Variants in ZCCHC7 observed in about 807,000 individuals in gnomAD.
ZCCHC7 encodes the protein zinc finger CCHC domain-containing protein 7.
Under a neutral mutation model 52.0 loss-of-function variants are expected in ZCCHC7, and 35 were observed. That is an observed-to-expected ratio of 0.67 (90% CI 0.51 to 0.89). ZCCHC7 has a LOEUF of 0.89. ZCCHC7 is among the 40% of genes least tolerant of loss of function. ZCCHC7 has a pLI of 0.00. For synonymous variants in ZCCHC7, 217 were observed against 221.5 expected (o/e 0.98, Z 0.18); for missense variants, 574 against 649.1 (o/e 0.88, Z 1.26).
At chr9:37,253,211 G>A (rs1276123705) in intron 2 of ZCCHC7, among the ~76,000 whole-genome samples, 1 of 151,680 alleles carries the variant, frequency 6.6e-6, no homozygotes, top group Non-Finnish European at 1.5e-5. Context: ...TTTATTTCCT[G>A]AAGAATAATA....
intron 8 of ZCCHC7, among the ~76,000 whole-genome samples, chr9:37,355,087 T>C (rs1821614633): frequency 6.6e-6 from 1 of 152,214 alleles, no homozygotes; most frequent in South Asian, 2.1e-4. Context: ...TCCATCTATA[T>C]AGGCAGAGTT....
At chr9:37,304,164 A>C (rs1195177249) in intron 3 of ZCCHC7, 24 bp from the exon 4 acceptor site, 28 of 1,560,102 alleles carry the variant, frequency 1.8e-5, no homozygotes, top group Non-Finnish European at 2.2e-5. Context: ...AATTTTTTTA[A>C]TTCTTGATTT....
intron 5 of ZCCHC7, among the ~76,000 whole-genome samples, chr9:37,315,010 GT>G (rs1829752616): frequency 6.6e-6 from 1 of 151,444 alleles, no homozygotes; most frequent in South Asian, 2.1e-4. Flanking sequence ...AAAAACAGCT[GT>G]TTTCTTCAGT....
At position 37,126,708 on chromosome 9, in the gene ZCCHC7, A is replaced by G. The variant is rs375023440; in HGVS notation, c.376A>G (p.Asn126Asp). The G allele has an allele frequency of 1.5e-5, 24 of 1,614,018 alleles. No homozygotes were observed. The Admixed American group carries it at 1.7e-4, about 11-fold the overall frequency. ...AHGLSSSLQS[N>D]ELVDKKCKSD... ...TGGTCTTTCTTCTTCTCTTCAATCT[A>G]ATGAGCTGGTTGATAAGAAATGCAA... is the stretch of plus-strand genomic sequence containing the variant. Residue 126 changes from asparagine to aspartate, a missense_variant, in exon 2 of 9, where the codon AAT becomes GAT. This residue lies in a region of ZCCHC7 where 403 missense variants were observed against 461.2 expected (regional missense o/e 0.87). Coordinates refer to ENST00000336755, the MANE Select transcript of ZCCHC7 (RefSeq NM_032226.3).
Position 37,354,908 on chromosome 9 carries a change from G to A in ZCCHC7, c.1198+84G>A, listed in dbSNP as rs941553056. 2.4e-6 allele frequency: 2 copies of A among 837,150 alleles called. No individual in the cohort carries two copies. The highest frequency in any genetic ancestry group is 1.7e-5 in the African/African-American group (1 of 58,452). 51.9% of individuals were successfully genotyped at this position (837,150 alleles called of 1,614,324 possible). A position where few individuals can be genotyped will look rare whatever the true frequency, so the allele number is the denominator to read the frequency against. Reference sequence around the variant, plus strand: ...TGTACTGTCTTTGCCTGCTTTGGGGGTCATTGGTTAGCATAGAAAGTATTT... The same window carrying A: ...TGTACTGTCTTTGCCTGCTTTGGGGATCATTGGTTAGCATAGAAAGTATTT... On this transcript the variant is annotated intron_variant, in intron 8 of 8. Transcript: ENST00000336755. This position sits in a 1 kb window ranked among gnomAD's most constrained non-coding sequence, Gnocchi z 4.0.
chr9:37,308,062 T>C (rs953963386), intron 5 of ZCCHC7, among the ~76,000 whole-genome samples: 6 of 152,154 alleles, frequency 3.9e-5, no homozygotes, highest in African/African-American at 1.4e-4. Flanking sequence ...TTTTGGCTGG[T>C]CAGACCAAAA....
intron 2 of ZCCHC7, among the ~76,000 whole-genome samples, chr9:37,128,400 G>A (rs574976806): frequency 1.3e-5 from 2 of 152,316 alleles, no homozygotes; most frequent in Admixed American, 1.3e-4. Flanking sequence ...TTAGAATGTG[G>A]AAGGGATGTT....
At chr9:37,239,730 T>A (rs569744327) in intron 2 of ZCCHC7, among the ~76,000 whole-genome samples, 2 of 152,166 alleles carry the variant, frequency 1.3e-5, no homozygotes, top group Admixed American at 6.5e-5. Context: ...CCCTTTACAG[T>A]TGGGGAAGTT....
At chr9:37,245,493 A>G (rs1026561362) in intron 2 of ZCCHC7, among the ~76,000 whole-genome samples, 2 of 152,058 alleles carry the variant, frequency 1.3e-5, no homozygotes, top group African/African-American at 4.8e-5. Context: ...ATTGTTGAGC[A>G]CCTACCTGTG....
At chr9:37,231,104 C>T (rs117493761) in intron 2 of ZCCHC7, among the ~76,000 whole-genome samples, 2 of 152,084 alleles carry the variant, frequency 1.3e-5, no homozygotes, top group Non-Finnish European at 2.9e-5. Context: ...ACCACCATAC[C>T]CCACTAATTT....
chr9:37,226,985 C>A (rs139242607), intron 2 of ZCCHC7, among the ~76,000 whole-genome samples: 2 of 140,822 alleles, frequency 1.4e-5, no homozygotes, highest in Non-Finnish European at 3.0e-5. Context: ...GCCGAGATTG[C>A]GGCACTGCAC....
chr9:37,131,337 CAA>C (rs548078026), intron 2 of ZCCHC7, among the ~76,000 whole-genome samples: 2 of 112,548 alleles, frequency 1.8e-5, no homozygotes, highest in Non-Finnish European at 1.8e-5. Flanking sequence ...GAGACTCTGT[CAA>C]AAAAAAAAAG....
At chr9:37,229,530 G>A (rs761975179) in intron 2 of ZCCHC7, among the ~76,000 whole-genome samples, 5 of 152,152 alleles carry the variant, frequency 3.3e-5, no homozygotes, top group Non-Finnish European at 7.3e-5. Context: ...TTGTAACACA[G>A]TGGTAAATAT....
chr9:37,190,856 TA>T (rs1001869957), intron 2 of ZCCHC7, among the ~76,000 whole-genome samples: 6 of 150,750 alleles, frequency 4.0e-5, no homozygotes, highest in Admixed American at 2.6e-4. Flanking sequence ...CTGTCTCTAC[TA>T]AAAAAAAATA....
At chr9:37,137,148 A>G (rs555613482) in intron 2 of ZCCHC7, among the ~76,000 whole-genome samples, 2 of 152,386 alleles carry the variant, frequency 1.3e-5, no homozygotes, top group South Asian at 4.1e-4. Flanking sequence ...TAGAAATCCT[A>G]AAATGCATGA....
chr9:37,305,422 G>A, intron 4 of ZCCHC7, 122 bp from the exon 5 acceptor site: 1 of 1,187,310 alleles, frequency 8.4e-7, no homozygotes, highest in Non-Finnish European at 1.2e-6. Flanking sequence ...TTGTGCTCAG[G>A]ATTCTACCTT....
At chr9:37,334,701 C>T (rs1249894378) in intron 6 of ZCCHC7, among the ~76,000 whole-genome samples, 1 of 152,030 alleles carries the variant, frequency 6.6e-6, no homozygotes, top group East Asian at 1.9e-4. Context: ...TAAGTATTTT[C>T]TTCCAGCTAT....
chr9:37,161,817 C>T lies in ZCCHC7; in HGVS notation c.610+34875C>T, dbSNP rs181707458. Reference sequence around the variant, plus strand: ...AAATGCCCATCAAGAGCTAGCAGTTCTGCATTTGACTCTTGAAGACCGTGG... The same window carrying T: ...AAATGCCCATCAAGAGCTAGCAGTTTTGCATTTGACTCTTGAAGACCGTGG... On this transcript the variant is annotated intron_variant, in intron 2 of 8. Coordinates refer to ENST00000336755, the MANE Select transcript of ZCCHC7 (RefSeq NM_032226.3). Among the ~76,000 whole-genome samples the T allele has an allele frequency of 2.6e-5, 4 of 152,258 alleles. No homozygotes were observed. In the East Asian group the frequency reaches 7.7e-4, roughly 29 times the overall value.
chr9:37,203,113 G>A (rs1823720517), intron 2 of ZCCHC7, among the ~76,000 whole-genome samples: 1 of 152,132 alleles, frequency 6.6e-6, no homozygotes. Context: ...TGAGTCGATG[G>A]ACCCAAATCT....
Sources: allele counts gnomAD v4.1 joint callset (sites outside exome capture counted in the v4.1 genomes callset), GRCh38; gene constraint gnomAD v4.1.1; regional missense constraint gnomAD v4.1.1; non-coding constraint Gnocchi (gnomAD v3.1); transcripts MANE v1.5; gene names NCBI Gene and HGNC (gene_info 2026-07-23, HGNC 2026-07-21).